SFMBT2: variants seen among roughly 807,000 people sequenced by gnomAD.
SFMBT2 encodes scm-like with four MBT domains protein 2.
SFMBT2 carries 38 observed loss-of-function variants against 110.1 expected under a neutral mutation model. That is an observed-to-expected ratio of 0.35 (90% confidence interval 0.27 to 0.45). The LOEUF (loss-of-function observed/expected upper bound fraction) is 0.45. Among genes scored for constraint, SFMBT2 ranks in the 20% least tolerant of loss-of-function variants. SFMBT2 has a pLI of 1.00. For synonymous variants in SFMBT2, 425 were observed against 425.4 expected, an observed-to-expected ratio of 1.00 and a Z score of 0.01; for missense variants, 1,011 against 1,094.9, an observed-to-expected ratio of 0.92 and a Z score of 1.08.
intron 4 of SFMBT2, among the ~76,000 whole-genome samples, chr10:7,316,535 T>C (rs1173436758): frequency 1.3e-5 from 2 of 151,868 alleles, no homozygotes; most frequent in Non-Finnish European, 2.9e-5. Context: ...AGCCACGGGG[T>C]CCCCAAGGAA....
chr10:7,318,589 T>C (rs755611526), intron 4 of SFMBT2, among the ~76,000 whole-genome samples: 3 of 152,246 alleles, frequency 2.0e-5, no homozygotes, highest in Non-Finnish European at 4.4e-5. Flanking sequence ...GTGGCTCTGT[T>C]AAATATGCCT....
chr10:7,309,034 C>T (rs914612913), intron 4 of SFMBT2, among the ~76,000 whole-genome samples: 12 of 152,144 alleles, frequency 7.9e-5, no homozygotes, highest in African/African-American at 2.7e-4. Flanking sequence ...GACTGGACCA[C>T]GAGGTGCCCA....
At chr10:7,331,541 C>G (rs978292897) in intron 4 of SFMBT2, among the ~76,000 whole-genome samples, 2 of 152,148 alleles carry the variant, frequency 1.3e-5, no homozygotes, top group Non-Finnish European at 2.9e-5. Flanking sequence ...TCCCCACATG[C>G]AGAACTTTTC....
At chr10:7,291,727 C>T (rs573584375) in intron 4 of SFMBT2, among the ~76,000 whole-genome samples, 3 of 152,220 alleles carry the variant, frequency 2.0e-5, no homozygotes, top group East Asian at 1.9e-4. Flanking sequence ...TTCTAAGAAG[C>T]CGCCTTCCAA....
intron 9 of SFMBT2, among the ~76,000 whole-genome samples, chr10:7,236,162 T>C (rs1179372014): frequency 1.3e-5 from 2 of 151,960 alleles, no homozygotes. Flanking sequence ...AGCAGAAGGA[T>C]AAGGTACCTA....
rs147734799 is a variant in SFMBT2 at position 7,299,175 on chromosome 10, G to T, written c.437-13221C>A. On this transcript the variant is annotated intron_variant, in intron 4 of 20. Coordinates refer to ENST00000397167, the MANE Select transcript of SFMBT2 (RefSeq NM_001387889.1). ...CAATACTATTCAAGACACAGGTATG[G>T]GCAAGGACTTCATGACAAAAAAGCC... 4.5e-3 allele frequency among the ~76,000 whole-genome samples: 685 copies of T among 152,134 alleles called. 5 individuals carry two copies. The highest frequency in any genetic ancestry group is 6.8e-3 in the Non-Finnish European group (462 of 68,016).
intron 4 of SFMBT2, among the ~76,000 whole-genome samples, chr10:7,334,985 G>C (rs1455138733): frequency 6.6e-6 from 1 of 152,222 alleles, no homozygotes; most frequent in Non-Finnish European, 1.5e-5. Context: ...TGAGGCGGGA[G>C]CATAAATCAC....
At chr10:7,279,304 G>C (rs1841876534) in intron 6 of SFMBT2, among the ~76,000 whole-genome samples, 1 of 152,278 alleles carries the variant, frequency 6.6e-6, no homozygotes. Flanking sequence ...CTCCACACCA[G>C]AGACAAAGGT....
At chr10:7,374,099 T>TA (rs1307058598) in intron 2 of SFMBT2, among the ~76,000 whole-genome samples, 4 of 152,024 alleles carry the variant, frequency 2.6e-5, no homozygotes, top group Non-Finnish European at 4.4e-5. Context: ...CCATCTCTAC[T>TA]AAAAATACAC....
At chr10:7,387,993 A>G (rs1845661837) in intron 1 of SFMBT2, among the ~76,000 whole-genome samples, 1 of 151,256 alleles carries the variant, frequency 6.6e-6, no homozygotes, top group Non-Finnish European at 1.5e-5. Flanking sequence ...TGGAGGTACC[A>G]GCAGCAAACA....
chr10:7,315,120 A>AAGAAAGAAAAGAAAG (rs1554802952), intron 4 of SFMBT2, among the ~76,000 whole-genome samples: 25 of 144,864 alleles, frequency 1.7e-4, no homozygotes, highest in Non-Finnish European at 3.4e-4. Context: ...AAAAGCAAGC[A>AAGAAAGAAAAGAAAG]AGCAAGCCAG....
At chr10:7,347,546 C>T (rs1844156213) in intron 4 of SFMBT2, among the ~76,000 whole-genome samples, 1 of 152,032 alleles carries the variant, frequency 6.6e-6, no homozygotes, top group Non-Finnish European at 1.5e-5. Context: ...AGAAAAGAAA[C>T]CCGCAAAAAT....
chr10:7,360,076 C>T (rs1315275652), intron 4 of SFMBT2, among the ~76,000 whole-genome samples: 1 of 152,154 alleles, frequency 6.6e-6, no homozygotes, highest in Admixed American at 6.6e-5. Context: ...TACCTGGTAC[C>T]ACAGGAGGTG....
intron 16 of SFMBT2, among the ~76,000 whole-genome samples, chr10:7,185,167 C>T (rs545864851): frequency 7.2e-5 from 11 of 152,300 alleles, no homozygotes; most frequent in South Asian, 2.1e-4. Flanking sequence ...GAATCAGACA[C>T]GCCACACCGT....
intron 4 of SFMBT2, among the ~76,000 whole-genome samples, chr10:7,294,227 C>A (rs572852257): frequency 6.6e-6 from 1 of 152,234 alleles, no homozygotes; most frequent in East Asian, 1.9e-4. Context: ...AGGATCCTTC[C>A]AATAAAAAGC....
chr10:7,292,413 G>A (rs1404830425), intron 4 of SFMBT2: 1 of 161,150 alleles, frequency 6.2e-6, no homozygotes, highest in Non-Finnish European at 1.3e-5. Flanking sequence ...AAATTAGATT[G>A]TTCCTACAAA....
At chr10:7,325,749 T>C (rs2131946136) in intron 4 of SFMBT2, among the ~76,000 whole-genome samples, 1 of 152,282 alleles carries the variant, frequency 6.6e-6, no homozygotes, top group Non-Finnish European at 1.5e-5. Flanking sequence ...CAGAAGATAG[T>C]ATCAGGGTGG....
chr10:7,227,789 G>C (rs139561916), intron 10 of SFMBT2, 66 bp downstream of exon 10: 24 of 1,411,060 alleles, frequency 1.7e-5, no homozygotes, highest in Middle Eastern at 3.5e-4. Context: ...TAAAAAGCAA[G>C]TTATAAAACT....
intron 2 of SFMBT2, among the ~76,000 whole-genome samples, chr10:7,378,118 ATGGGTGTGAGTG>A (rs1398906313): frequency 1.5e-5 from 2 of 131,962 alleles, no homozygotes; most frequent in African/African-American, 2.9e-5. Context: ...TGGGTGGATG[ATGGGTGTGAGTG>A]TGGGTGTGAG....
Sources: allele counts gnomAD v4.1 joint callset (sites outside exome capture counted in the v4.1 genomes callset), GRCh38; gene constraint gnomAD v4.1.1; transcripts MANE v1.5; gene names NCBI Gene and HGNC (gene_info 2026-07-23, HGNC 2026-07-21).